Variants in LINGO2 observed in about 807,000 individuals in gnomAD.
LINGO2 encodes the protein leucine rich repeat and Ig domain containing 2, also known as leucine-rich repeat and immunoglobulin-like domain-containing nogo receptor-interacting protein 2.
Under a neutral mutation model 30.6 loss-of-function variants are expected in LINGO2, and 14 were observed. The ratio of observed to expected loss-of-function variants is 0.46; its 90% CI spans 0.30 to 0.72. The LOEUF (loss-of-function observed/expected upper bound fraction) is 0.72, where lower values mean the gene tolerates loss of function less well. Among genes scored for constraint, LINGO2 ranks in the 30% least tolerant of loss-of-function variants. The pLI is 0.07. For synonymous variants in LINGO2, 317 were observed against 288.5 expected, an observed-to-expected ratio of 1.10 and a Z score of -1.00; for missense variants, 729 against 751.7, an observed-to-expected ratio of 0.97 and a Z score of 0.35.
the LINGO2 span, among the ~76,000 whole-genome samples, chr9:28,973,697 T>C: frequency 0.042 from 6,351 of 152,282 alleles, 201 homozygotes; most frequent in Admixed American, 0.083. Context: ...CTCAGGTATG[T>C]CTTTATTAGC....
At chr9:29,097,266 T>G in the LINGO2 span, among the ~76,000 whole-genome samples, 1 of 138,628 alleles carries the variant, frequency 7.2e-6, no homozygotes, top group Non-Finnish European at 1.6e-5. Flanking sequence ...AACATATAAG[T>G]AAATAGTATG....
intron 1 of LINGO2, among the ~76,000 whole-genome samples, chr9:28,661,463 A>G (rs1030926296): frequency 1.6e-4 from 25 of 152,240 alleles, no homozygotes; most frequent in African/African-American, 5.8e-4. Context: ...ACAATAAATG[A>G]TTGTTGTATT....
At chr9:28,633,031 G>C (rs1287707777) in intron 1 of LINGO2, among the ~76,000 whole-genome samples, 1 of 151,242 alleles carries the variant, frequency 6.6e-6, no homozygotes, top group African/African-American at 2.4e-5. Flanking sequence ...GAAGAATGTG[G>C]AGTCCAGTGT....
the LINGO2 span, among the ~76,000 whole-genome samples, chr9:29,052,348 T>C: frequency 1.3e-5 from 2 of 152,196 alleles, no homozygotes; most frequent in African/African-American, 4.8e-5. Context: ...TCATTGCTGC[T>C]ATAGAACTGT....
intron 2 of LINGO2, among the ~76,000 whole-genome samples, chr9:28,420,564 A>G (rs551629783): frequency 6.6e-6 from 1 of 152,218 alleles, no homozygotes; most frequent in East Asian, 1.9e-4. Context: ...GAAAGACAAT[A>G]AGGCAGATCA....
the LINGO2 span, among the ~76,000 whole-genome samples, chr9:28,677,939 T>A: frequency 6.6e-6 from 1 of 151,824 alleles, no homozygotes; most frequent in Non-Finnish European, 1.5e-5. Context: ...GCATCCCGAA[T>A]CCATCTACAT....
intron 5 of LINGO2, among the ~76,000 whole-genome samples, chr9:28,000,432 T>C (rs776389417): frequency 6.6e-6 from 1 of 152,188 alleles, no homozygotes. Context: ...ATTTTCCTTC[T>C]GGCTCCTTCA....
the LINGO2 span, among the ~76,000 whole-genome samples, chr9:29,131,431 G>A: frequency 2.0e-5 from 3 of 152,076 alleles, no homozygotes; most frequent in African/African-American, 7.2e-5. Context: ...GCAAAGGACT[G>A]TCAGCTTTGT....
chr9:28,124,246 T>C (rs1051014353), intron 4 of LINGO2, among the ~76,000 whole-genome samples: 2 of 152,228 alleles, frequency 1.3e-5, no homozygotes, highest in African/African-American at 4.8e-5. Flanking sequence ...TCAAGAAATC[T>C]GATTCTACCT....
intron 1 of LINGO2, among the ~76,000 whole-genome samples, chr9:28,562,940 G>A (rs941157114): frequency 2.6e-5 from 4 of 152,112 alleles, no homozygotes; most frequent in African/African-American, 9.6e-5. Flanking sequence ...TCCATCTCCC[G>A]GGTTCAAGCG....
At chr9:29,041,639 C>T in the LINGO2 span, among the ~76,000 whole-genome samples, 2 of 151,916 alleles carry the variant, frequency 1.3e-5, no homozygotes, top group African/African-American at 4.8e-5. Flanking sequence ...CCTCTCACTT[C>T]ATACAAAAAT....
chr9:28,445,141 CAAT>C (rs1332072643), intron 2 of LINGO2, among the ~76,000 whole-genome samples: 1 of 152,220 alleles, frequency 6.6e-6, no homozygotes, highest in Non-Finnish European at 1.5e-5. Flanking sequence ...ACAATGTTAT[CAAT>C]AATAATATAC....
At chr9:28,641,339 G>T (rs190174758) in intron 1 of LINGO2, among the ~76,000 whole-genome samples, 1 of 152,018 alleles carries the variant, frequency 6.6e-6, no homozygotes, top group African/African-American at 2.4e-5. Context: ...CCCGGCCTCA[G>T]AGGTTTTAAA....
intron 4 of LINGO2, among the ~76,000 whole-genome samples, chr9:28,223,685 G>T (rs1009300282): frequency 1.5e-4 from 23 of 152,176 alleles, no homozygotes; most frequent in African/African-American, 5.6e-4. Context: ...TATGATAGTG[G>T]TTATGGAAAC....
chr9:29,096,140 G>C, the LINGO2 span, among the ~76,000 whole-genome samples: 1 of 138,412 alleles, frequency 7.2e-6, no homozygotes, highest in Non-Finnish European at 1.6e-5. Flanking sequence ...ATGGAAGACA[G>C]CATTTAAAAA....
At chr9:28,941,948 T>C in the LINGO2 span, among the ~76,000 whole-genome samples, 1 of 152,068 alleles carries the variant, frequency 6.6e-6, no homozygotes, top group Admixed American at 6.6e-5. Flanking sequence ...AATAAGGTAC[T>C]CCCCCTTTAT....
At chr9:28,075,471 T>G (rs1422177236) in intron 4 of LINGO2, among the ~76,000 whole-genome samples, 1 of 152,008 alleles carries the variant, frequency 6.6e-6, no homozygotes, top group East Asian at 1.9e-4. Flanking sequence ...AAAGAATTGC[T>G]AGTTAATTAA....
chr9:28,424,614 G>T (rs772626989), intron 2 of LINGO2, among the ~76,000 whole-genome samples: 1 of 152,112 alleles, frequency 6.6e-6, no homozygotes, highest in African/African-American at 2.4e-5. Context: ...ATTTTATGCA[G>T]CAATAGTTAA....
chr9:27,988,080 C>A (rs962521254), intron 5 of LINGO2, among the ~76,000 whole-genome samples: 1 of 152,022 alleles, frequency 6.6e-6, no homozygotes, highest in Non-Finnish European at 1.5e-5. Context: ...TTAATTCCCA[C>A]CTATGATCGA....
Sources: allele counts gnomAD v4.1 joint callset (sites outside exome capture counted in the v4.1 genomes callset), GRCh38; gene constraint gnomAD v4.1.1; transcripts MANE v1.5; gene names NCBI Gene and HGNC (gene_info 2026-07-23, HGNC 2026-07-21).